FMNL2: variants seen among roughly 807,000 people sequenced by gnomAD.
The protein encoded by FMNL2 is formin like 2, also known as formin-like protein 2.
In FMNL2, 51 loss-of-function variants were observed where a neutral mutation model predicts 130.2. That is an observed-to-expected ratio of 0.39 (90% CI 0.31 to 0.49). The LOEUF (loss-of-function observed/expected upper bound fraction) is 0.49, where lower values mean the gene tolerates loss of function less well. FMNL2 is among the 20% of genes least tolerant of loss of function. The pLI, the probability that FMNL2 is intolerant of heterozygous loss-of-function variation, is 0.85. For synonymous variants in FMNL2, 465 were observed against 467.1 expected, an observed-to-expected ratio of 1.00 and a Z score of 0.06; for missense variants, 977 against 1,316.2, an observed-to-expected ratio of 0.74 and a Z score of 3.99.
At chr2:152,393,118 G>C (rs1022882824) in intron 1 of FMNL2, among the ~76,000 whole-genome samples, 5 of 152,180 alleles carry the variant, frequency 3.3e-5, no homozygotes, top group African/African-American at 1.2e-4. Context: ...CCTTCAGTCA[G>C]ATGTCTTCAT....
chr2:152,483,721 A>G (rs1690658758), intron 1 of FMNL2, among the ~76,000 whole-genome samples: 1 of 152,226 alleles, frequency 6.6e-6, no homozygotes, highest in African/African-American at 2.4e-5. Flanking sequence ...TTCCTTTACT[A>G]GCAGTGAGCC....
At position 152,558,788 on chromosome 2, in the gene FMNL2, A is replaced by G. The variant is rs773091365; in HGVS notation, c.408A>G (p.Leu136=). The change falls in exon 5 of 26, where the codon CTA becomes CTG. Residue 136 remains leucine, a synonymous_variant. Coordinates refer to ENST00000288670, the MANE Select transcript of FMNL2 (RefSeq NM_052905.4). The stretch of plus-strand genomic sequence containing the variant: ...AAGAAAACAAAGGTCTTGATGTTCT[A>G]GTGGAATATCTCTCATTTGCACAGT... ...LNEENKGLDV[L]VEYLSFAQYA... is the part of the protein sequence containing the mutation. 2.5e-6 allele frequency: 4 copies of G among 1,612,916 alleles called. No individual in the cohort carries two copies. Among genetic ancestry groups the G allele is most frequent in the Admixed American group, 1.7e-5 (1 of 59,908 alleles).
At chr2:152,547,139 C>T (rs1003733574) in intron 3 of FMNL2, among the ~76,000 whole-genome samples, 1 of 152,062 alleles carries the variant, frequency 6.6e-6, no homozygotes, top group Non-Finnish European at 1.5e-5. Flanking sequence ...GACAGAGTTT[C>T]TCCATGTTGG....
chr2:152,354,691 A>C (rs2105788781), intron 1 of FMNL2, among the ~76,000 whole-genome samples: 2 of 152,338 alleles, frequency 1.3e-5, no homozygotes, highest in Middle Eastern at 6.8e-3. Flanking sequence ...CTGGTGAGGA[A>C]AATTGCTCAT....
At chr2:152,520,263 A>G (rs1351876394) in intron 1 of FMNL2, among the ~76,000 whole-genome samples, 1 of 150,868 alleles carries the variant, frequency 6.6e-6, no homozygotes, top group Non-Finnish European at 1.5e-5. Flanking sequence ...AAGCTCTTCA[A>G]AGTAATTGTC....
At position 152,637,438 on chromosome 2, in the gene FMNL2, G is replaced by A. The variant is rs1682714566; in HGVS notation, c.2845-135G>A. ...ACGGAGGCGTTAGGCAATCTTGGGA[G>A]GTAAGGGAGGTGCAGCAACGCAAGG... On this transcript the variant is annotated intron_variant, in intron 22 of 25. Coordinates refer to ENST00000288670, the MANE Select transcript of FMNL2 (RefSeq NM_052905.4). 5.2e-5 allele frequency: 35 copies of A among 672,752 alleles called. No homozygotes were observed. The South Asian group carries it at 6.4e-4, about 12-fold the overall frequency. The allele number at this position is 672,752 out of a possible 1,614,324, so 41.7% of individuals were successfully genotyped here. A position where few individuals can be genotyped will look rare whatever the true frequency, so the allele number is the denominator to read the frequency against.
intron 6 of FMNL2, 56 bp downstream of exon 6, chr2:152,561,091 C>T: frequency 6.7e-7 from 1 of 1,503,742 alleles, no homozygotes; most frequent in Non-Finnish European, 8.9e-7. Flanking sequence ...ACAGCAGGCT[C>T]CTACTTCTTT....
intron 1 of FMNL2, among the ~76,000 whole-genome samples, chr2:152,517,427 T>C (rs996268992): frequency 6.6e-6 from 1 of 152,156 alleles, no homozygotes; most frequent in Non-Finnish European, 1.5e-5. Flanking sequence ...TCAAAAATTG[T>C]TCTTGAAGCA....
chr2:152,363,563 T>A (rs1470933196), intron 1 of FMNL2, among the ~76,000 whole-genome samples: 1 of 101,106 alleles, frequency 9.9e-6, no homozygotes, highest in African/African-American at 3.8e-5. Flanking sequence ...TTTTCTTTTC[T>A]TTTTTTTTTC....
intron 1 of FMNL2, among the ~76,000 whole-genome samples, chr2:152,456,645 A>G (rs1434844809): frequency 1.3e-5 from 2 of 152,132 alleles, no homozygotes; most frequent in Non-Finnish European, 2.9e-5. Context: ...GAAGTGGTGT[A>G]TTTTGAAAAC....
chr2:152,350,396 A>C (rs1179297287), intron 1 of FMNL2, among the ~76,000 whole-genome samples: 2 of 152,130 alleles, frequency 1.3e-5, no homozygotes, highest in African/African-American at 4.8e-5. Flanking sequence ...GCCATTTCTT[A>C]TAGGTGGTTT....
At position 152,637,666 on chromosome 2, in the gene FMNL2, G is replaced by T. The variant is rs761581139; in HGVS notation, c.2938G>T (p.Ala980Ser). ...TCCTGTCTTTGTCCGGTTTGTGAAAGCATATAAGGTATATGTTAAGGCCCT... is the reference window on the plus strand; with the variant it reads ...TCCTGTCTTTGTCCGGTTTGTGAAATCATATAAGGTATATGTTAAGGCCCT... ...FFPVFVRFVK[A>S]YKQAEEENEL... Residue 980 changes from alanine to serine, a missense_variant, in exon 23 of 26, where the codon GCA (alanine) becomes TCA (serine). By Grantham distance (99) the Ala-to-Ser change is moderately conservative (BLOSUM62 1). Around this residue, in one of 4 missense-constraint regions of FMNL2, gnomAD observed 168 missense variants for 168.8 expected, o/e 1.00. Coordinates refer to ENST00000288670, the MANE Select transcript of FMNL2 (RefSeq NM_052905.4). 6.2e-7 allele frequency: 1 copy of T among 1,613,894 alleles called. No individual in the cohort carries two copies. Among genetic ancestry groups the T allele is most frequent in the African/African-American group, 1.3e-5 (1 of 75,038 alleles).
chr2:152,382,462 C>A (rs944807261), intron 1 of FMNL2, among the ~76,000 whole-genome samples: 3 of 152,152 alleles, frequency 2.0e-5, no homozygotes, highest in African/African-American at 7.2e-5. Flanking sequence ...TCAGTGCTTC[C>A]TGGTGAGAAA....
chr2:152,647,958 A>G lies in FMNL2; in HGVS notation c.*53A>G, dbSNP rs1683762412. The stretch of plus-strand genomic sequence containing the variant: ...GGTGTGCGTGAATGAAACTGCCCAC[A>G]TGAACTTTATGTGCTACGATTTAAC... On this transcript the variant is annotated 3_prime_UTR_variant, in exon 26 of 26. Coordinates refer to ENST00000288670, the MANE Select transcript of FMNL2 (RefSeq NM_052905.4). 2.2e-6 allele frequency: 3 copies of G among 1,385,428 alleles called. 1 individual carries two copies. Among genetic ancestry groups the G allele is most frequent in the Admixed American group, 4.0e-5 (2 of 50,398 alleles). 85.8% of individuals were successfully genotyped at this position (1,385,428 alleles called of 1,614,324 possible).
intron 4 of FMNL2, among the ~76,000 whole-genome samples, chr2:152,555,280 CCTAACAGAGTAGAT>C (rs947528733): frequency 2.0e-5 from 3 of 152,192 alleles, no homozygotes; most frequent in Non-Finnish European, 2.9e-5. Context: ...TGCAACACTG[CCTAACAGAGTAGAT>C]CTGATGACCA....
At chr2:152,372,845 G>A (rs1474608907) in intron 1 of FMNL2, among the ~76,000 whole-genome samples, 1 of 152,204 alleles carries the variant, frequency 6.6e-6, no homozygotes, top group Non-Finnish European at 1.5e-5. Flanking sequence ...CTCTGTTTTG[G>A]TTGGCTGATA....
At chr2:152,427,072 A>G (rs1477367780) in intron 1 of FMNL2, among the ~76,000 whole-genome samples, 1 of 152,172 alleles carries the variant, frequency 6.6e-6, no homozygotes, top group South Asian at 2.1e-4. Flanking sequence ...GATTGTATCA[A>G]CCTGGTTTGT....
At chr2:152,389,117 T>C (rs1440413390) in intron 1 of FMNL2, among the ~76,000 whole-genome samples, 3 of 151,686 alleles carry the variant, frequency 2.0e-5, no homozygotes, top group African/African-American at 7.3e-5. Flanking sequence ...TTTTTTTTTC[T>C]ATAAAGCCTA....
chr2:152,642,368 TTAGA>T (rs1465469486), intron 25 of FMNL2, among the ~76,000 whole-genome samples: 1 of 152,154 alleles, frequency 6.6e-6, no homozygotes, highest in African/African-American at 2.4e-5. Flanking sequence ...ATTAGGTAGA[TTAGA>T]TAGATTAAAA....
Sources: gnomAD v4.1 joint callset for allele counts (sites outside exome capture counted in the v4.1 genomes callset) on GRCh38, gnomAD v4.1.1 for gene constraint, gnomAD v4.1.1 regional missense constraint, MANE v1.5 for transcripts, NCBI Gene and HGNC (gene_info 2026-07-23, HGNC 2026-07-21) for gene names.